FBXO40: variants seen among roughly 807,000 people sequenced by gnomAD.
FBXO40 encodes the protein F-box protein 40.
FBXO40 carries 50 observed loss-of-function variants against 49.9 expected under a neutral mutation model. That is an observed-to-expected ratio of 1.00 (90% CI 0.80 to 1.27). The LOEUF is 1.27. Among genes scored for constraint, FBXO40 ranks in the 50% most tolerant of loss-of-function variants. The probability of loss-of-function intolerance (pLI) is 0.00; values close to 1 mark genes in which losing one functional copy is unlikely to be tolerated. For synonymous variants in FBXO40, 340 were observed against 320.2 expected, an observed-to-expected ratio of 1.06 and a Z score of -0.66; for missense variants, 895 against 870.1, an observed-to-expected ratio of 1.03 and a Z score of -0.36.
chr3:121,623,383 T>G (rs965091423), intron 3 of FBXO40, 40 bp downstream of exon 3: 6 of 1,547,460 alleles, frequency 3.9e-6, no homozygotes, highest in African/African-American at 1.4e-5. Flanking sequence ...CATTCAGCAA[T>G]TTTTTGTTTC....
intron 1 of FBXO40, among the ~76,000 whole-genome samples, chr3:121,600,877 G>C (rs1053260749): frequency 4.6e-5 from 7 of 152,184 alleles, no homozygotes; most frequent in African/African-American, 1.7e-4. Context: ...TCTCAATCTA[G>C]GAAAGTCACA....
At chr3:121,596,694 T>A (rs2048874557) in intron 1 of FBXO40, among the ~76,000 whole-genome samples, 1 of 152,184 alleles carries the variant, frequency 6.6e-6, no homozygotes, top group South Asian at 2.1e-4. Flanking sequence ...TCAGATTATC[T>A]ATTATAAATC....
chr3:121,619,710 T>C (rs746970080), intron 1 of FBXO40, among the ~76,000 whole-genome samples: 11 of 152,184 alleles, frequency 7.2e-5, no homozygotes, highest in Non-Finnish European at 1.5e-4. Context: ...TATTATCCTC[T>C]CTCTACTGAT....
chr3:121,606,425 A>G (rs1301006487), intron 1 of FBXO40, among the ~76,000 whole-genome samples: 3 of 152,188 alleles, frequency 2.0e-5, no homozygotes, highest in Non-Finnish European at 4.4e-5. Context: ...AGAGCACTTG[A>G]TATGGACCTT....
intron 3 of FBXO40, among the ~76,000 whole-genome samples, chr3:121,624,454 C>T (rs2049051334): frequency 6.6e-6 from 1 of 152,120 alleles, no homozygotes; most frequent in South Asian, 2.1e-4. Context: ...TGCTGAATAT[C>T]TTCTGTTTGC....
chr3:121,618,743 A>G (rs570713250), intron 1 of FBXO40, among the ~76,000 whole-genome samples: 45 of 150,770 alleles, frequency 3.0e-4, no homozygotes, highest in Middle Eastern at 6.8e-3. Context: ...GTGTGTGTGT[A>G]TGTGTGTGTG....
chr3:121,610,325 C>T (rs2048957799), intron 1 of FBXO40, among the ~76,000 whole-genome samples: 1 of 152,284 alleles, frequency 6.6e-6, no homozygotes, highest in South Asian at 2.1e-4. Context: ...TTGCAAAAGT[C>T]ATGTCTAAAA....
At chr3:121,616,314 G>A (rs1453438694) in intron 1 of FBXO40, among the ~76,000 whole-genome samples, 1 of 152,108 alleles carries the variant, frequency 6.6e-6, no homozygotes, top group Non-Finnish European at 1.5e-5. Context: ...AATCAGATGG[G>A]GAGTGTGTTA....
In FBXO40 at chr3:121,604,934, C is replaced by CTTTA. The variant is rs138412565; in HGVS notation, c.-31+11471_-31+11474dup. On this transcript the variant is annotated intron_variant, in intron 1 of 3. Transcript: ENST00000338040. ...TGGTTATGTGGAGAAGGTTGGCTGG[C>CTTTA]TTTATTTATTTATTTATTTATTTAT... 2.5e-3 allele frequency among the ~76,000 whole-genome samples: 359 copies of CTTTA among 145,788 alleles called. 1 individual carries two copies. Among genetic ancestry groups the CTTTA allele is most frequent in the Middle Eastern group, 7.0e-3 (2 of 286 alleles).
Position 121,622,032 on chromosome 3 carries a change from G to T in FBXO40, c.603G>T (p.Glu201Asp). The T allele has an allele frequency of 6.2e-7, 1 of 1,614,208 alleles. No homozygotes were observed. The highest frequency in any genetic ancestry group is 1.6e-4 in the Middle Eastern group (1 of 6,062). The change falls in exon 3 of 4, where the codon GAG becomes GAT. Residue 201 changes from glutamate to aspartate, a missense_variant. Glu to Asp is a conservative substitution (Grantham distance 45, BLOSUM62 2). Transcript: ENST00000338040. ...EMAELSQEER[E>D]VLAKTKEGMD... ...CAGAGCTAAGTCAAGAAGAACGGGA[G>T]GTGCTAGCCAAAACCAAAGAAGGGA... is the stretch of plus-strand genomic sequence containing the variant.
Position 121,621,756 on chromosome 3 carries a change from C to T in FBXO40, c.327C>T (p.Thr109=). The change falls in exon 3 of 4, where the codon ACC becomes ACT. Residue 109 remains threonine, a synonymous_variant. Coordinates refer to ENST00000338040, the MANE Select transcript of FBXO40 (RefSeq NM_016298.4). ...GCTGGCCAAATGTGGACTCTGAAAC[C>T]ACCCTTCATGAAAACATCATGAAAG... ...WNRWPNVDSE[T]TLHENIMKET... 6.2e-7 allele frequency: 1 copy of T among 1,614,254 alleles called. No homozygotes were observed. The highest frequency in any genetic ancestry group is 2.2e-5 in the East Asian group (1 of 44,890).
At chr3:121,596,490 C>A (rs2048873607) in intron 1 of FBXO40, among the ~76,000 whole-genome samples, 1 of 152,184 alleles carries the variant, frequency 6.6e-6, no homozygotes, top group African/African-American at 2.4e-5. Context: ...GAGTCTCAGG[C>A]CTCACCCTGG....
Position 121,595,307 on chromosome 3 carries a change from A to C in FBXO40, c.-31+1805A>C, listed in dbSNP as rs541593608. Among the ~76,000 whole-genome samples, 16 of 152,296 alleles carry C rather than the reference A, an allele frequency of 1.1e-4. 1 individual carries two copies. Among genetic ancestry groups the C allele is most frequent in the African/African-American group, 3.4e-4 (14 of 41,562 alleles). ...TTTTTCCAGGGCCTCCACAGCACCA[A>C]GGTCTCCAAGGTGTATGCTGGGATG... On this transcript the variant is annotated intron_variant, in intron 1 of 3. Transcript: ENST00000338040.
At chr3:121,601,168 C>T (rs754874815) in intron 1 of FBXO40, among the ~76,000 whole-genome samples, 2 of 152,156 alleles carry the variant, frequency 1.3e-5, no homozygotes, top group Admixed American at 6.5e-5. Context: ...ATTAGACTAT[C>T]GAGAGTTCCA....
At chr3:121,606,388 TG>T (rs146487037) in intron 1 of FBXO40, among the ~76,000 whole-genome samples, 205 of 152,338 alleles carry the variant, frequency 1.3e-3, no homozygotes, top group Non-Finnish European at 2.8e-3. Context: ...GTGAATCCCT[TG>T]CAGTTTAACT....
At chr3:121,603,263 C>T (rs772523482) in intron 1 of FBXO40, among the ~76,000 whole-genome samples, 18 of 152,180 alleles carry the variant, frequency 1.2e-4, no homozygotes, top group Non-Finnish European at 2.4e-4. Flanking sequence ...TCACAGAGCA[C>T]AGTGAAATGG....
chr3:121,622,161 T>A lies in FBXO40; in HGVS notation c.732T>A (p.Asn244Lys). Reference protein sequence around the residue: ...SSASCESKNKNDSEKEQISSG... With the variant: ...SSASCESKNKKDSEKEQISSG... ...CGAGCTGTGAGAGCAAGAACAAGAA[T>A]GACTCCGAGAAAGAACAGATTTCCA... is the stretch of plus-strand genomic sequence containing the variant. The change falls in exon 3 of 4, where the codon AAT becomes AAA. Residue 244 changes from asparagine (N) to lysine (K), a missense_variant. Transcript: ENST00000338040. The A allele has an allele frequency of 6.2e-7, 1 of 1,614,080 alleles. No individual in the cohort carries two copies.
chr3:121,602,915 A>AGCCCATTTTT (rs2048908764), intron 1 of FBXO40, among the ~76,000 whole-genome samples: 1 of 152,140 alleles, frequency 6.6e-6, no homozygotes, highest in Non-Finnish European at 1.5e-5. Flanking sequence ...GCTCCATCAC[A>AGCCCATTTTT]GTCCATTTTT....
chr3:121,614,246 G>A (rs2048984404), intron 1 of FBXO40, among the ~76,000 whole-genome samples: 1 of 144,566 alleles, frequency 6.9e-6, no homozygotes, highest in South Asian at 2.2e-4. Context: ...CTTCTAGCCT[G>A]GTGACAGAGC....
Sources: gnomAD v4.1 joint callset for allele counts (sites outside exome capture counted in the v4.1 genomes callset) on GRCh38, gnomAD v4.1.1 for gene constraint, MANE v1.5 for transcripts, NCBI Gene and HGNC (gene_info 2026-07-23, HGNC 2026-07-21) for gene names.